Variants in NEDD9 observed in about 807,000 individuals in gnomAD.
NEDD9 encodes neural precursor cell expressed, developmentally down-regulated 9.
In NEDD9, 26 loss-of-function variants were observed where a neutral mutation model predicts 76.6. The observed-to-expected ratio is 0.34, with a 90% CI of 0.25 to 0.47. The LOEUF is 0.47. Among genes scored for constraint, NEDD9 ranks in the 20% least tolerant of loss-of-function variants. The pLI, the probability that NEDD9 is intolerant of heterozygous loss-of-function variation, is 1.00. For synonymous variants in NEDD9, 392 were observed against 414.2 expected, an observed-to-expected ratio of 0.95 and a Z score of 0.65; for missense variants, 937 against 1,058.5, an observed-to-expected ratio of 0.89 and a Z score of 1.59.
intron 2 of NEDD9, among the ~76,000 whole-genome samples, chr6:11,325,829 A>G (rs915710840): frequency 6.6e-6 from 1 of 152,228 alleles, no homozygotes; most frequent in Non-Finnish European, 1.5e-5. Flanking sequence ...CTCCCAGTCT[A>G]CATAGACCCA....
intron 2 of NEDD9, among the ~76,000 whole-genome samples, chr6:11,333,647 G>C (rs773622444): frequency 6.6e-6 from 1 of 152,208 alleles, no homozygotes; most frequent in African/African-American, 2.4e-5. Flanking sequence ...AGGGAAGGCT[G>C]TCTCTACTTG....
chr6:11,301,733 A>C (rs1224801727), intron 3 of NEDD9, among the ~76,000 whole-genome samples: 1 of 152,218 alleles, frequency 6.6e-6, no homozygotes, highest in Middle Eastern at 3.2e-3. Flanking sequence ...ACACAACTAC[A>C]TGGAAACTGA....
intron 3 of NEDD9, among the ~76,000 whole-genome samples, chr6:11,278,360 C>A (rs1007476791): frequency 5.1e-4 from 77 of 152,126 alleles, no homozygotes; most frequent in African/African-American, 1.8e-3. Flanking sequence ...CTCACTGAGT[C>A]CTTCCAACAC....
chr6:11,295,987 A>G (rs1310458653), intron 3 of NEDD9, among the ~76,000 whole-genome samples: 1 of 152,196 alleles, frequency 6.6e-6, no homozygotes, highest in African/African-American at 2.4e-5. Context: ...GTTTAGAGAT[A>G]GGGTCTTCAC....
intron 2 of NEDD9, chr6:11,200,971 C>T: frequency 6.2e-7 from 1 of 1,614,242 alleles, no homozygotes; most frequent in South Asian, 1.1e-5. Flanking sequence ...GAGATCTTTT[C>T]AGTGGAGGTT....
At chr6:11,323,176 T>G (rs1173540599) in intron 2 of NEDD9, among the ~76,000 whole-genome samples, 2 of 152,234 alleles carry the variant, frequency 1.3e-5, no homozygotes, top group Non-Finnish European at 2.9e-5. Flanking sequence ...TTTGTAGGCC[T>G]CAGGATATAT....
Position 11,374,945 on chromosome 6 carries a change from T to C in NEDD9, c.-214+7194A>G, listed in dbSNP as rs141362813. On this transcript the variant is annotated intron_variant, in intron 1 of 3. Transcript: ENST00000397378. ...ATTTTTTAATCTTGGGGAGTCACTT[T>C]AGCCCTTTCTTCCTCTCCCATTTAA... is the stretch of plus-strand genomic sequence containing the variant. Among the ~76,000 whole-genome samples the C allele has an allele frequency of 7.5e-4, 115 of 152,350 alleles. 1 individual carries two copies. The highest frequency in any genetic ancestry group is 1.3e-3 in the Non-Finnish European group (90 of 68,030).
At chr6:11,372,710 T>C (rs991163403) in intron 1 of NEDD9, among the ~76,000 whole-genome samples, 3 of 152,242 alleles carry the variant, frequency 2.0e-5, no homozygotes, top group Non-Finnish European at 4.4e-5. Flanking sequence ...TGAAATGATA[T>C]CTCATTGTAG....
intron 3 of NEDD9, among the ~76,000 whole-genome samples, chr6:11,302,477 A>G (rs1761075935): frequency 6.6e-6 from 1 of 152,246 alleles, no homozygotes; most frequent in African/African-American, 2.4e-5. Context: ...AACTATTTCA[A>G]TCAATAGAAA....
At chr6:11,221,659 T>C (rs906116920) in intron 1 of NEDD9, among the ~76,000 whole-genome samples, 1 of 152,190 alleles carries the variant, frequency 6.6e-6, no homozygotes, top group African/African-American at 2.4e-5. Context: ...TTCTCCATCT[T>C]AGAAGTCAGC....
upstream of NEDD9, among the ~76,000 whole-genome samples, chr6:11,234,901 G>A (rs978753843): frequency 1.3e-5 from 2 of 151,934 alleles, no homozygotes; most frequent in Non-Finnish European, 2.9e-5. Flanking sequence ...TAGTAGAGAC[G>A]GGGTTTCACC....
chr6:11,196,915 A>C (rs1758308481), intron 2 of NEDD9, among the ~76,000 whole-genome samples: 1 of 152,080 alleles, frequency 6.6e-6, no homozygotes, highest in African/African-American at 2.4e-5. Flanking sequence ...GGTCACTTTC[A>C]TGCCAATTGT....
chr6:11,236,302 C>A (rs946737566), upstream of NEDD9, among the ~76,000 whole-genome samples: 1 of 152,194 alleles, frequency 6.6e-6, no homozygotes, highest in Non-Finnish European at 1.5e-5. The surrounding 1 kb of genome is among the most constrained non-coding windows in gnomAD (Gnocchi z 5.5). Context: ...TGCCGCCTGC[C>A]TGCTCTTCAA....
At chr6:11,192,488 A>G (rs1758173356) in intron 3 of NEDD9, 42 bp from the exon 4 acceptor site, 1 of 1,430,742 alleles carries the variant, frequency 7.0e-7, no homozygotes. Flanking sequence ...GAAATGTCTT[A>G]TACTTGGTCA....
chr6:11,324,223 G>T (rs1761874327), intron 2 of NEDD9, among the ~76,000 whole-genome samples: 1 of 152,174 alleles, frequency 6.6e-6, no homozygotes, highest in African/African-American at 2.4e-5. Flanking sequence ...TAGTTAACCA[G>T]TAATCTGGCT....
intron 2 of NEDD9, among the ~76,000 whole-genome samples, chr6:11,323,184 T>C (rs1045663206): frequency 6.6e-6 from 1 of 152,198 alleles, no homozygotes; most frequent in African/African-American, 2.4e-5. Flanking sequence ...CCTCAGGATA[T>C]ATATATTTTG....
intron 3 of NEDD9, among the ~76,000 whole-genome samples, chr6:11,275,565 C>CACATATATATAT (rs551632582): frequency 4.0e-5 from 6 of 150,184 alleles, no homozygotes; most frequent in Non-Finnish European, 5.9e-5. Flanking sequence ...CACACACACA[C>CACATATATATAT]ATATATATAT....
chr6:11,341,558 T>C (rs1335022002), intron 1 of NEDD9, among the ~76,000 whole-genome samples: 1 of 152,212 alleles, frequency 6.6e-6, no homozygotes, highest in Admixed American at 6.5e-5. Context: ...GTTGAGAAGT[T>C]CTGGGTGTAA....
At chr6:11,231,490 G>C (rs1759467284) in intron 1 of NEDD9, among the ~76,000 whole-genome samples, 1 of 152,232 alleles carries the variant, frequency 6.6e-6, no homozygotes, top group Non-Finnish European at 1.5e-5. Context: ...TCCAGCTAGT[G>C]TACAGTTAAT....
Sources: allele counts gnomAD v4.1 joint callset (sites outside exome capture counted in the v4.1 genomes callset), GRCh38; gene constraint gnomAD v4.1.1; non-coding constraint Gnocchi (gnomAD v3.1); transcripts MANE v1.5; gene names NCBI Gene and HGNC (gene_info 2026-07-23, HGNC 2026-07-21).